SPEF2: variants seen among roughly 807,000 people sequenced by gnomAD.
SPEF2 encodes the protein sperm flagella and cilia-associated protein 2.
SPEF2 carries 187 observed loss-of-function variants against 224.6 expected under a neutral mutation model. The ratio of observed to expected loss-of-function variants is 0.83; its 90% confidence interval spans 0.74 to 0.94. SPEF2 has a LOEUF of 0.94. Ranked by LOEUF, SPEF2 falls within the 40% of genes least tolerant of loss-of-function variation. SPEF2 has a pLI of 0.00. For synonymous variants in SPEF2, 715 were observed against 707.3 expected, an observed-to-expected ratio of 1.01 and a Z score of -0.17; for missense variants, 2,170 against 2,135.6, an observed-to-expected ratio of 1.02 and a Z score of -0.32.
chr5:35,748,064 A>T (rs1561300221), intron 23 of SPEF2, among the ~76,000 whole-genome samples: 2 of 152,202 alleles, frequency 1.3e-5, no homozygotes, highest in African/African-American at 2.4e-5. Context: ...ATAGAAATTA[A>T]ATAACCTGCT....
At chr5:35,670,698 A>G in intron 10 of SPEF2, 1 of 985,812 alleles carries the variant, frequency 1.0e-6, no homozygotes, top group Non-Finnish European at 1.2e-6. Flanking sequence ...ATTGAAATAA[A>G]AAGTATCGGG....
chr5:35,789,452 A>C (rs1755647734), intron 30 of SPEF2: 1 of 675,856 alleles, frequency 1.5e-6, no homozygotes, highest in Admixed American at 2.1e-5. Flanking sequence ...ATGTTTCTTC[A>C]TTTAATTTGT....
intron 10 of SPEF2, 44 bp from the exon 11 acceptor site, chr5:35,690,993 C>T: frequency 1.3e-6 from 2 of 1,522,488 alleles, no homozygotes; most frequent in South Asian, 1.2e-5. Context: ...ACCTAAATTC[C>T]ACTTTTCAGA....
At chr5:35,807,819 AC>A in intron 36 of SPEF2, 1 of 1,532,656 alleles carries the variant, frequency 6.5e-7, no homozygotes, top group Non-Finnish European at 8.7e-7. Context: ...GCAGGTCTGG[AC>A]CACACATGCT....
At chr5:35,744,229 A>G (rs1354479330) in intron 23 of SPEF2, among the ~76,000 whole-genome samples, 1 of 152,242 alleles carries the variant, frequency 6.6e-6, no homozygotes. Context: ...TTGTAAGAAT[A>G]GACATTTATA....
chr5:35,754,735 G>A (rs1750191703), intron 24 of SPEF2, among the ~76,000 whole-genome samples: 1 of 152,172 alleles, frequency 6.6e-6, no homozygotes, highest in Admixed American at 6.5e-5. Context: ...CAAAAGGGAG[G>A]TGGGCCCTAG....
intron 9 of SPEF2, 105 bp downstream of exon 9, chr5:35,667,364 T>C: frequency 9.3e-7 from 1 of 1,074,040 alleles, no homozygotes; most frequent in Non-Finnish European, 1.3e-6. Context: ...ATAAAAATGA[T>C]TCATGAAAAG....
In SPEF2 at chr5:35,644,502, C is replaced by T; in HGVS notation, c.562C>T (p.Gln188Ter). The T allele has an allele frequency of 6.2e-7, 1 of 1,602,584 alleles. No individual in the cohort carries two copies. The highest frequency in any genetic ancestry group is 8.5e-7 in the Non-Finnish European group (1 of 1,176,550). Residue 188 changes from glutamine (Q) to a stop codon, truncating the protein, a stop_gained, in exon 4 of 37, where the codon CAA becomes TAA. Transcript: ENST00000356031. LOFTEE classifies it high-confidence loss of function. ...LERFQKLKEE[Q>*]RCFDIEKQYL... The stretch of plus-strand genomic sequence containing the variant: ...AAGATTTCAAAAACTCAAGGAAGAG[C>T]AAAGATGTTTTGATATTGAAAAGGT...
Position 35,705,885 on chromosome 5 carries a change from G to GATGTGATTGAAAAGTTCTTTCTTA in SPEF2, c.2665+78_2665+101dup, listed in dbSNP as rs1247475101. 117 of 951,744 alleles carry GATGTGATTGAAAAGTTCTTTCTTA rather than the reference G, an allele frequency of 1.2e-4. 1 individual carries two copies. The highest frequency in any genetic ancestry group is 1.2e-4 in the Non-Finnish European group (79 of 669,368). The allele number at this position is 951,744 out of a possible 1,614,324, so 59.0% of individuals were successfully genotyped here. A position where few individuals can be genotyped will look rare whatever the true frequency, so the allele number is the denominator to read the frequency against. ...TTTAATGAGTTTGGTAGGAAATGAA[G>GATGTGATTGAAAAGTTCTTTCTTA]ATGTGATTGAAAAGTTCTTTCTTAT... On this transcript the variant is annotated intron_variant, in intron 18 of 36. Transcript: ENST00000356031.
At chr5:35,773,420 A>C (rs1165566670) in intron 27 of SPEF2, among the ~76,000 whole-genome samples, 1 of 152,096 alleles carries the variant, frequency 6.6e-6, no homozygotes, top group Non-Finnish European at 1.5e-5. Flanking sequence ...GATTCTTGAC[A>C]ATCACCCGCA....
intron 28 of SPEF2, 45 bp from the exon 29 acceptor site, chr5:35,776,212 T>C (rs1311537975): frequency 1.1e-5 from 18 of 1,567,048 alleles, no homozygotes; most frequent in Non-Finnish European, 1.4e-5. Context: ...AGTAAATGCA[T>C]GCACTGCAAT....
rs1026963089 is a variant in SPEF2 at position 35,761,519 on chromosome 5, G to A, written c.3620+1800G>A. Among the ~76,000 whole-genome samples the A allele has an allele frequency of 5.3e-5, 8 of 152,216 alleles. No homozygotes were observed. The East Asian group carries it at 7.7e-4, about 15-fold the overall frequency. Reference sequence around the variant, plus strand: ...ACATTATTTTATGCAGCGATCCAAAGCCCATTTTTGTTCTCTCCTGGCTTT... The same window carrying A: ...ACATTATTTTATGCAGCGATCCAAAACCCATTTTTGTTCTCTCCTGGCTTT... On this transcript the variant is annotated intron_variant, in intron 25 of 36. Coordinates refer to ENST00000356031, the MANE Select transcript of SPEF2 (RefSeq NM_024867.4).
rs942493535 is a variant in SPEF2 at position 35,711,736 on chromosome 5, ATCTTGGT to A, written c.2840-1074_2840-1068del. 2.3e-5 allele frequency among the ~76,000 whole-genome samples: 3 copies of A among 128,232 alleles called. No individual in the cohort carries two copies. The Admixed American group carries it at 2.6e-4, about 11-fold the overall frequency. 84.1% of individuals were successfully genotyped at this position (128,232 alleles called of 152,430 possible). A position where few individuals can be genotyped will look rare whatever the true frequency, so the allele number is the denominator to read the frequency against. Reference sequence around the variant, plus strand: ...AAGTCACCTGTCTTATTTCTGTGGAATCTTGGTTATCATGTCTGTGATATTTAATGTA... The same window carrying A: ...AAGTCACCTGTCTTATTTCTGTGGAATATCATGTCTGTGATATTTAATGTA... On this transcript the variant is annotated intron_variant, in intron 19 of 36. Transcript: ENST00000356031.
At chr5:35,619,578 G>A (rs887414664) in intron 1 of SPEF2, among the ~76,000 whole-genome samples, 2 of 152,020 alleles carry the variant, frequency 1.3e-5, no homozygotes, top group African/African-American at 4.8e-5. Context: ...TTGGGAGGCT[G>A]AGGCAGGAGA....
rs534282302 is a variant in SPEF2 at position 35,810,681 on chromosome 5, C to T, written c.5379+3428C>T. On this transcript the variant is annotated intron_variant, in intron 36 of 36. Transcript: ENST00000356031. ...CATCCTGACATACTGATCTCCAAAA[C>T]CACCTCTGCCTGCACATTTGCCAAG... 8.5e-5 allele frequency among the ~76,000 whole-genome samples: 13 copies of T among 152,322 alleles called. 1 individual carries two copies. Among genetic ancestry groups the T allele is most frequent in the African/African-American group, 2.6e-4 (11 of 41,566 alleles).
Position 35,814,601 on chromosome 5 carries a change from AT to A in SPEF2, c.*50del. ...TAATTCTGCAATAAATCTTCCAAAA[AT>A]TAAATGTGACCATGGTGTTTGTCAT... On this transcript the variant is annotated 3_prime_UTR_variant, in exon 37 of 37. Transcript: ENST00000356031. The A allele has an allele frequency of 2.4e-6, 3 of 1,239,026 alleles. No homozygotes were observed. Among genetic ancestry groups the A allele is most frequent in the Non-Finnish European group, 3.5e-6 (3 of 862,864 alleles). 76.8% of individuals were successfully genotyped at this position (1,239,026 alleles called of 1,614,324 possible).
At chr5:35,725,472 C>T (rs2149648546) in intron 20 of SPEF2, among the ~76,000 whole-genome samples, 1 of 152,292 alleles carries the variant, frequency 6.6e-6, no homozygotes, top group East Asian at 1.9e-4. Context: ...CTTTCCCTAT[C>T]TTTTCCTCCC....
At chr5:35,620,432 C>T (rs970632079) in intron 1 of SPEF2, among the ~76,000 whole-genome samples, 6 of 152,050 alleles carry the variant, frequency 3.9e-5, no homozygotes, top group Non-Finnish European at 8.8e-5. Context: ...AATAATGATA[C>T]CTCATCTGGT....
chr5:35,771,717 G>C lies in SPEF2; in HGVS notation c.3910G>C (p.Glu1304Gln). The change falls in exon 27 of 37, where the codon GAG (glutamate) becomes CAG (glutamine). Residue 1304 changes from glutamate to glutamine, a missense_variant. Transcript: ENST00000356031. ...GGGTGCAAATAAAAAAGTCAAAAAG[G>C]AGCCACCCAAGAAAAAACAGGAAGA... Reference protein sequence around the residue: ...QMGANKKVKKEPPKKKQEDKK... With the variant: ...QMGANKKVKKQPPKKKQEDKK... 6.3e-7 allele frequency: 1 copy of C among 1,599,376 alleles called. No individual in the cohort carries two copies. The highest frequency in any genetic ancestry group is 1.1e-5 in the South Asian group (1 of 86,962).
Sources: allele counts gnomAD v4.1 joint callset (sites outside exome capture counted in the v4.1 genomes callset), GRCh38; gene constraint gnomAD v4.1.1; transcripts MANE v1.5; gene names NCBI Gene and HGNC (gene_info 2026-07-23, HGNC 2026-07-21).